The following POC1B variants were observed in gnomAD, a reference collection of about 807,000 sequenced individuals.
POC1B encodes the protein POC1 centriolar protein homolog B.
POC1B carries 44 observed loss-of-function variants against 60.6 expected under a neutral mutation model. The ratio of observed to expected loss-of-function variants is 0.73; its 90% confidence interval spans 0.57 to 0.93. The LOEUF is 0.93. POC1B is among the 40% of genes least tolerant of loss of function. POC1B has a pLI of 0.00. For synonymous variants in POC1B, 180 were observed against 198.9 expected, an observed-to-expected ratio of 0.90 and a Z score of 0.80; for missense variants, 555 against 572.3, an observed-to-expected ratio of 0.97 and a Z score of 0.31.
intron 10 of POC1B, among the ~76,000 whole-genome samples, chr12:89,433,925 G>A (rs1387413196): frequency 4.6e-5 from 7 of 152,238 alleles, no homozygotes; most frequent in Non-Finnish European, 8.8e-5. Context: ...AGATGGGGCT[G>A]TCACAGGACC....
chr12:89,453,525 G>A (rs903230883), intron 10 of POC1B, among the ~76,000 whole-genome samples: 23 of 152,130 alleles, frequency 1.5e-4, no homozygotes, highest in Non-Finnish European at 3.2e-4. Context: ...TAATGCTTAG[G>A]AAGCAGCCAC....
intron 2 of POC1B, among the ~76,000 whole-genome samples, chr12:89,516,158 A>G (rs920238411): frequency 1.3e-5 from 2 of 152,092 alleles, no homozygotes; most frequent in Admixed American, 1.3e-4. Context: ...TCTATCTTCA[A>G]CATTTCTACC....
intron 10 of POC1B, chr12:89,428,074 C>T (rs773867542): frequency 6.6e-6 from 1 of 152,232 alleles, no homozygotes; most frequent in Non-Finnish European, 1.5e-5. Context: ...AATCTTGACT[C>T]ATGATCATAG....
chr12:89,411,678 G>A, the POC1B span, among the ~76,000 whole-genome samples: 1 of 152,112 alleles, frequency 6.6e-6, no homozygotes, highest in Non-Finnish European at 1.5e-5. Flanking sequence ...TTTTCCTCCC[G>A]CCTCAATGTT....
intron 4 of POC1B, among the ~76,000 whole-genome samples, chr12:89,477,558 TTTTC>T (rs1883171032): frequency 6.6e-6 from 1 of 152,040 alleles, no homozygotes; most frequent in African/African-American, 2.4e-5. Context: ...TTATTCAGTG[TTTTC>T]TTTCTTAGTA....
rs772864748 is a variant in POC1B, at chr12:89,436,120, T to C, written c.1114-10741A>G. Among the ~76,000 whole-genome samples the C allele has an allele frequency of 7.6e-4, 115 of 151,998 alleles. 2 individuals are homozygous for C. The highest frequency in any genetic ancestry group is 2.2e-4 in the Non-Finnish European group (15 of 67,992). On this transcript the variant is annotated intron_variant, in intron 10 of 11. Coordinates refer to ENST00000313546, the MANE Select transcript of POC1B (RefSeq NM_172240.3). ...CCACCATTCCCAGCTAATTTTTCTA[T>C]TTTTAGTAGAGATGGGGTTTCACCA...
At chr12:89,462,567 T>C (rs1024515525) in intron 9 of POC1B, among the ~76,000 whole-genome samples, 13 of 152,196 alleles carry the variant, frequency 8.5e-5, no homozygotes, top group Admixed American at 2.6e-4. Context: ...GCAAGGAGTA[T>C]GCCCATCTTG....
chr12:89,501,858 TA>T, intron 2 of POC1B: 1 of 1,185,262 alleles, frequency 8.4e-7, no homozygotes, highest in Non-Finnish European at 1.3e-6. Context: ...AGACAGCAAC[TA>T]AAGACAGCCA....
chr12:89,524,857 C>T (rs552149551), intron 2 of POC1B: 49 of 625,814 alleles, frequency 7.8e-5, no homozygotes, highest in Non-Finnish European at 1.9e-5. Context: ...CCACTCACTC[C>T]TCCTGGTGGT....
At chr12:89,499,311 G>T (rs1869424689) in intron 2 of POC1B, among the ~76,000 whole-genome samples, 1 of 152,096 alleles carries the variant, frequency 6.6e-6, no homozygotes, top group South Asian at 2.1e-4. Flanking sequence ...AGGTACAATA[G>T]ACATAAAGAT....
At chr12:89,512,968 T>C (rs931690544) in intron 2 of POC1B, among the ~76,000 whole-genome samples, 2 of 152,204 alleles carry the variant, frequency 1.3e-5, no homozygotes, top group African/African-American at 4.8e-5. Context: ...TTATGAATTA[T>C]CTTCATTACA....
At chr12:89,409,867 A>T in the POC1B span, among the ~76,000 whole-genome samples, 1 of 152,170 alleles carries the variant, frequency 6.6e-6, no homozygotes, top group African/African-American at 2.4e-5. Context: ...GCTGAATTCC[A>T]CCTGAGGTAC....
At chr12:89,437,578 T>C (rs1881320548) in intron 10 of POC1B, among the ~76,000 whole-genome samples, 1 of 152,062 alleles carries the variant, frequency 6.6e-6, no homozygotes, top group Non-Finnish European at 1.5e-5. Context: ...CCACTCAAAT[T>C]CTCCGGGTAC....
chr12:89,431,102 A>G (rs1211128371), intron 10 of POC1B, among the ~76,000 whole-genome samples: 1 of 152,056 alleles, frequency 6.6e-6, no homozygotes, highest in African/African-American at 2.4e-5. Context: ...TTTCTAACAA[A>G]TGTGAGTGCA....
chr12:89,510,206 G>A (rs1432281586), intron 2 of POC1B, among the ~76,000 whole-genome samples: 3 of 152,034 alleles, frequency 2.0e-5, no homozygotes, highest in Admixed American at 6.5e-5. Context: ...TTTTGTTCTT[G>A]TACACTTCCT....
At chr12:89,525,349 G>A in intron 1 of POC1B, 145 bp from the exon 2 acceptor site, 1 of 1,432,612 alleles carries the variant, frequency 7.0e-7, no homozygotes, top group Non-Finnish European at 9.1e-7. Context: ...CCGGGCAGCA[G>A]CCCACCCACG....
At chr12:89,469,094 G>A (rs965547848) in intron 7 of POC1B, among the ~76,000 whole-genome samples, 1 of 152,014 alleles carries the variant, frequency 6.6e-6, no homozygotes, top group African/African-American at 2.4e-5. Context: ...GTGAAACCTT[G>A]TCTCTTCTAA....
intron 5 of POC1B, among the ~76,000 whole-genome samples, 157 bp downstream of exon 5, chr12:89,472,011 G>A (rs562581530): frequency 7.2e-5 from 11 of 152,038 alleles, no homozygotes; most frequent in Admixed American, 2.0e-4. Context: ...CAGGTGATCC[G>A]CCTGCCTCAG....
At chr12:89,452,212 C>T (rs1181337513) in intron 10 of POC1B, among the ~76,000 whole-genome samples, 1 of 151,968 alleles carries the variant, frequency 6.6e-6, no homozygotes, top group East Asian at 1.9e-4. Context: ...TTCCCAGGCC[C>T]GGGACAGTCG....
Sources: allele counts gnomAD v4.1 joint callset (sites outside exome capture counted in the v4.1 genomes callset), GRCh38; gene constraint gnomAD v4.1.1; transcripts MANE v1.5; gene names NCBI Gene and HGNC (gene_info 2026-07-23, HGNC 2026-07-21).